The following SGSH variants were observed in gnomAD, a reference collection of about 807,000 sequenced individuals.
SGSH encodes the protein N-sulfoglucosamine sulfohydrolase.
Under a neutral mutation model 51.0 loss-of-function variants are expected in SGSH, and 48 were observed. The observed-to-expected ratio is 0.94, with a 90% CI of 0.75 to 1.20. SGSH has a LOEUF of 1.20. SGSH is among the 50% of genes most tolerant of loss of function. The probability of loss-of-function intolerance (pLI) is 0.00; values close to 1 mark genes in which losing one functional copy is unlikely to be tolerated. For synonymous variants in SGSH, 321 were observed against 313.4 expected (o/e 1.02, Z -0.26); for missense variants, 662 against 717.8 (o/e 0.92, Z 0.89).
chr17:80,217,152 G>T lies in SGSH; in HGVS notation c.129C>A (p.Ser43Arg). Residue 43 changes from serine (S) to arginine (R), a missense_variant, in exon 2 of 8, where the codon AGC (serine) becomes AGA (arginine). Transcript: ENST00000326317. ...GGFESGAYNNSAIATPHLDAL... is the reference protein window; with the variant it reads ...GGFESGAYNNRAIATPHLDAL... ...CGTCCAGGTGCGGGGTGGCGATGGC[G>T]CTGTTGTTGTACGCGCCACTCTCAA... 1.2e-6 allele frequency: 2 copies of T among 1,600,644 alleles called. No individual in the cohort carries two copies. Among genetic ancestry groups the T allele is most frequent in the East Asian group, 2.2e-5 (1 of 44,446 alleles).
In SGSH at chr17:80,217,134, G is replaced by A. The variant is rs780614886; in HGVS notation, c.147C>T (p.His49=). 1.1e-5 allele frequency: 17 copies of A among 1,601,260 alleles called. No homozygotes were observed. Among genetic ancestry groups the A allele is most frequent in the Non-Finnish European group, 9.4e-6 (11 of 1,175,952 alleles). The change falls in exon 2 of 8, where the codon CAC becomes CAT. Residue 49 remains histidine, a synonymous_variant. Transcript: ENST00000326317. ...GGCTGCGGCGGGCCAAGGCGTCCAG[G>A]TGCGGGGTGGCGATGGCGCTGTTGT... ...AYNNSAIATP[H]LDALARRSLL... is the part of the protein sequence containing the mutation.
intron 2 of SGSH, among the ~76,000 whole-genome samples, chr17:80,216,153 AC>A (rs1254978740): frequency 1.3e-5 from 2 of 151,726 alleles, no homozygotes; most frequent in Non-Finnish European, 2.9e-5. Flanking sequence ...ACATGATGAA[AC>A]CCCATCTCTA....
At chr17:80,205,114 G>A, downstream of SGSH, 1 of 1,613,630 alleles carries the variant, frequency 6.2e-7, no homozygotes, top group Non-Finnish European at 8.5e-7. Context: ...GACCCGCCCG[G>A]CCCCGGCCTG....
Position 80,212,047 on chromosome 17 carries a change from T to A in SGSH, c.949+24A>T, listed in dbSNP as rs932561113. 6 of 1,606,830 alleles carry A rather than the reference T, an allele frequency of 3.7e-6. No individual in the cohort carries two copies. The Admixed American group carries it at 5.0e-5, about 13-fold the overall frequency. ...CCCAGATCCACTCCCACACCTTTCCTGACGGAGACAGACAAAGGCATACCT... is the reference window on the plus strand; with the variant it reads ...CCCAGATCCACTCCCACACCTTTCCAGACGGAGACAGACAAAGGCATACCT... On this transcript the variant is annotated intron_variant, in intron 7 of 7. Coordinates refer to ENST00000326317, the MANE Select transcript of SGSH (RefSeq NM_000199.5). The surrounding 1 kb of genome is among the most constrained non-coding windows in gnomAD (Gnocchi z 5.9).
downstream of SGSH, among the ~76,000 whole-genome samples, chr17:80,206,229 C>T (rs2041295869): frequency 6.6e-6 from 1 of 152,170 alleles, no homozygotes; most frequent in South Asian, 2.1e-4. Flanking sequence ...CTTTGGGAAC[C>T]CGAGGTGGGA....
In SGSH at chr17:80,220,249, G is replaced by A. The variant is rs1212600929; in HGVS notation, c.65C>T (p.Pro22Leu). 3 of 1,523,604 alleles carry A rather than the reference G, an allele frequency of 2.0e-6. No individual in the cohort carries two copies. Among genetic ancestry groups the A allele is most frequent in the Admixed American group, 4.0e-5 (2 of 50,406 alleles). The allele number at this position is 1,523,604 out of a possible 1,614,324, so 94.4% of individuals were successfully genotyped here. ...ACCGAGGAGCAGCAGTGCGTTCCGG[G>A]GACGCGCCCGGCAGAGCCCCAGGAC... ...LLVLGLCRARPRNALLLLADD... is the reference protein window; with the variant it reads ...LLVLGLCRARLRNALLLLADD... Residue 22 changes from proline (P) to leucine (L), a missense_variant, in exon 1 of 8, where the codon CCC (proline) becomes CTC (leucine). Pro to Leu is a moderately conservative substitution (Grantham distance 98, BLOSUM62 -3). Coordinates refer to ENST00000326317, the MANE Select transcript of SGSH (RefSeq NM_000199.5).
In SGSH at chr17:80,214,206, C is replaced by T. The variant is rs886041370; in HGVS notation, c.629G>A (p.Trp210Ter). The change falls in exon 5 of 8, where the codon TGG (tryptophan) becomes TAG (stop). Residue 210 changes from tryptophan (W) to a stop codon, truncating the protein, a stop_gained. Coordinates refer to ENST00000326317, the MANE Select transcript of SGSH (RefSeq NM_000199.5). LOFTEE classifies it high-confidence loss of function. ...CAGTGGGTCGTAGGCCTGGGGGGTC[C>T]AGTCTGGGATACGACCCATGCCGCT... Reference protein sequence around the residue: ...GESGMGRIPDWTPQAYDPLDV... With the variant: ...GESGMGRIPD 1.1e-5 allele frequency: 17 copies of T among 1,612,028 alleles called. No individual in the cohort carries two copies. Among genetic ancestry groups the T allele is most frequent in the African/African-American group, 2.7e-5 (2 of 74,912 alleles).
chr17:80,202,211 C>G (rs757892324), downstream of SGSH: 21 of 1,613,950 alleles, frequency 1.3e-5, no homozygotes, highest in South Asian at 2.3e-4. Context: ...ACCTGGAGGC[C>G]AAAGTGGCGA....
chr17:80,208,112 GC>G (rs750926227), downstream of SGSH: 300 of 1,217,262 alleles, frequency 2.5e-4, 1 homozygote, highest in Middle Eastern at 4.6e-3. Context: ...CCCTGAGCCC[GC>G]CCCCCCCAAC....
At chr17:80,205,262 C>T, downstream of SGSH, 2 of 1,443,922 alleles carry the variant, frequency 1.4e-6, no homozygotes, top group East Asian at 2.3e-5. Flanking sequence ...CTCCCTCCTC[C>T]CCTTCCTCCC....
chr17:80,204,636 A>T (rs2041179085), downstream of SGSH: 1 of 363,790 alleles, frequency 2.7e-6, no homozygotes, highest in African/African-American at 2.0e-5. Context: ...GGAAAAAAAA[A>T]AAATTTCAGG....
downstream of SGSH, chr17:80,207,472 A>T (rs1242916206): frequency 6.0e-6 from 1 of 167,180 alleles, no homozygotes; most frequent in Non-Finnish European, 1.3e-5. Context: ...AATTACTTGA[A>T]CTGGGAGGTG....
In SGSH at chr17:80,212,362, C is replaced by T. The variant is rs1005771248; in HGVS notation, c.746-88G>A. The T allele has an allele frequency of 3.0e-5, 35 of 1,178,496 alleles. No homozygotes were observed. Among genetic ancestry groups the T allele is most frequent in the Non-Finnish European group, 4.1e-5 (33 of 811,560 alleles). 73.0% of individuals were successfully genotyped at this position (1,178,496 alleles called of 1,614,324 possible). A position where few individuals can be genotyped will look rare whatever the true frequency, so the allele number is the denominator to read the frequency against. On this transcript the variant is annotated intron_variant, in intron 6 of 7. Transcript: ENST00000326317. The surrounding 1 kb of genome is among the most constrained non-coding windows in gnomAD (Gnocchi z 5.9). ...TGTGTAGACCCACCTGCTGCTGCAT[C>T]CGGCCGCTGGGCTCCAGCGCTTTCC...
At position 80,209,967 on chromosome 17, in the gene SGSH, G is replaced by A. The variant is rs966699604; in HGVS notation, c.*485C>T. The stretch of plus-strand genomic sequence containing the variant: ...CCAGGCGCCGTGCTCCCAGGTGAGT[G>A]TCGGTGGGACCTGCGTACTGCCCAC... On this transcript the variant is annotated 3_prime_UTR_variant, in exon 8 of 8. Coordinates refer to ENST00000326317, the MANE Select transcript of SGSH (RefSeq NM_000199.5). The A allele has an allele frequency of 4.0e-6, 4 of 1,006,050 alleles. No homozygotes were observed. In the Admixed American group the frequency reaches 2.0e-4, roughly 52 times the overall value. The allele number at this position is 1,006,050 out of a possible 1,614,324, so 62.3% of individuals were successfully genotyped here.
rs2144727173 is a variant in SGSH, at chr17:80,213,077, C to G, written c.745+727G>C. On this transcript the variant is annotated intron_variant, in intron 6 of 7. Coordinates refer to ENST00000326317, the MANE Select transcript of SGSH (RefSeq NM_000199.5). This position sits in a 1 kb window ranked among gnomAD's most constrained non-coding sequence, Gnocchi z 4.6. The stretch of plus-strand genomic sequence containing the variant: ...GGTGGCGTGCGGTGCGATTGCAGTC[C>G]TAGCTACTTTGGAGGCTGAGACAGA... The G allele has an allele frequency of 6.5e-6, 1 of 152,862 alleles. No individual in the cohort carries two copies. Among genetic ancestry groups the G allele is most frequent in the East Asian group, 1.9e-4 (1 of 5,174 alleles). 9.5% of individuals were successfully genotyped at this position (152,862 alleles called of 1,614,324 possible). A position where few individuals can be genotyped will look rare whatever the true frequency, so the allele number is the denominator to read the frequency against.
intron 2 of SGSH, 26 bp from the exon 3 acceptor site, chr17:80,215,164 G>C (rs4889839): frequency 6.3e-7 from 1 of 1,584,242 alleles, no homozygotes; most frequent in Admixed American, 1.7e-5. Flanking sequence ...CATGAGGTCC[G>C]GGGCCCCCGG....
At position 80,212,036 on chromosome 17, in the gene SGSH, C is replaced by T. The variant is rs954188928; in HGVS notation, c.949+35G>A. On this transcript the variant is annotated intron_variant, in intron 7 of 7. Coordinates refer to ENST00000326317, the MANE Select transcript of SGSH (RefSeq NM_000199.5). This position sits in a 1 kb window ranked among gnomAD's most constrained non-coding sequence, Gnocchi z 5.9. ...CATGGCCCCGTCCCAGATCCACTCC[C>T]ACACCTTTCCTGACGGAGACAGACA... 1 of 1,588,516 alleles carries T rather than the reference C, an allele frequency of 6.3e-7. No individual in the cohort carries two copies. Among genetic ancestry groups the T allele is most frequent in the Non-Finnish European group, 8.6e-7 (1 of 1,157,898 alleles).
rs114960940 is a variant in SGSH, at chr17:80,219,318, C to A, written c.88+908G>T. Among the ~76,000 whole-genome samples the A allele has an allele frequency of 6.3e-3, 957 of 152,258 alleles. 9 individuals are homozygous for A. Among genetic ancestry groups the A allele is most frequent in the African/African-American group, 0.022 (916 of 41,536 alleles). On this transcript the variant is annotated intron_variant, in intron 1 of 7. Coordinates refer to ENST00000326317, the MANE Select transcript of SGSH (RefSeq NM_000199.5). The stretch of plus-strand genomic sequence containing the variant: ...CACTGGAACCCAACCAAGCTGGCAC[C>A]CTGACCTTGGATTTTCAGCCCACAG...
downstream of SGSH, chr17:80,202,085 G>A: frequency 7.8e-7 from 1 of 1,280,710 alleles, no homozygotes; most frequent in Non-Finnish European, 1.1e-6. Context: ...GAGACTGGGA[G>A]GGTCCTTCCT....
Sources: gnomAD v4.1 joint callset for allele counts (sites outside exome capture counted in the v4.1 genomes callset) on GRCh38, gnomAD v4.1.1 for gene constraint, Gnocchi (gnomAD v3.1) non-coding constraint, MANE v1.5 for transcripts, NCBI Gene and HGNC (gene_info 2026-07-23, HGNC 2026-07-21) for gene names.